EYA3: variants seen among roughly 807,000 people sequenced by gnomAD.
The protein encoded by EYA3 is protein phosphatase EYA3.
A neutral mutation model predicts 80.0 loss-of-function variants in EYA3; 39 were observed. The ratio of observed to expected loss-of-function variants is 0.49; its 90% CI spans 0.38 to 0.64. The LOEUF (loss-of-function observed/expected upper bound fraction) is 0.64, where lower values mean the gene tolerates loss of function less well. Ranked by LOEUF, EYA3 falls within the 30% of genes least tolerant of loss-of-function variation. The pLI is 0.00. For synonymous variants in EYA3, 206 were observed against 232.8 expected (o/e 0.88, Z 1.05); for missense variants, 523 against 676.1 (o/e 0.77, Z 2.51).
chr1:28,019,076 G>A (rs775191202), intron 7 of EYA3, among the ~76,000 whole-genome samples: 1 of 152,162 alleles, frequency 6.6e-6, no homozygotes, highest in Non-Finnish European at 1.5e-5. Flanking sequence ...TGAGGCAGGA[G>A]AATCACTTAA....
intron 9 of EYA3, among the ~76,000 whole-genome samples, chr1:28,012,130 A>C (rs1641735948): frequency 6.6e-6 from 1 of 152,166 alleles, no homozygotes; most frequent in South Asian, 2.1e-4. Flanking sequence ...GAATCTGGGG[A>C]GGGAGCTAGA....
At chr1:28,079,443 A>G (rs1057381524) in intron 1 of EYA3, among the ~76,000 whole-genome samples, 23 of 152,346 alleles carry the variant, frequency 1.5e-4, no homozygotes, top group African/African-American at 5.5e-4. Flanking sequence ...TTGGGCCAGA[A>G]GAGAGCAGAA....
intron 1 of EYA3, among the ~76,000 whole-genome samples, chr1:28,086,622 A>T (rs1645665106): frequency 1.3e-5 from 2 of 152,186 alleles, no homozygotes; most frequent in African/African-American, 4.8e-5. Flanking sequence ...TTTGGGGTTT[A>T]ATGTTCTTAT....
intron 7 of EYA3, among the ~76,000 whole-genome samples, chr1:28,018,714 C>T (rs1402501702): frequency 1.3e-5 from 2 of 152,116 alleles, no homozygotes; most frequent in Non-Finnish European, 2.9e-5. Context: ...TGCTGCAACC[C>T]CAGCTTTAAG....
At chr1:28,073,034 T>C (rs1645068073) in intron 1 of EYA3, among the ~76,000 whole-genome samples, 1 of 142,702 alleles carries the variant, frequency 7.0e-6, no homozygotes, top group Admixed American at 7.2e-5. Context: ...TGGTTGCCAG[T>C]GTTGGGGATG....
intron 1 of EYA3, among the ~76,000 whole-genome samples, chr1:28,079,646 A>G (rs1327916666): frequency 6.6e-6 from 1 of 152,184 alleles, no homozygotes; most frequent in Non-Finnish European, 1.5e-5. Context: ...ATGTGCCTAG[A>G]AATGGTAAAG....
chr1:28,017,360 A>G, intron 7 of EYA3, 121 bp from the exon 8 acceptor site: 1 of 688,906 alleles, frequency 1.5e-6, no homozygotes, highest in Non-Finnish European at 2.4e-6. Flanking sequence ...TGGCAAAGGA[A>G]ACAAACACTC....
intron 11 of EYA3, among the ~76,000 whole-genome samples, chr1:28,001,937 C>T (rs988365712): frequency 9.5e-5 from 14 of 147,768 alleles, no homozygotes; most frequent in African/African-American, 2.7e-4. Flanking sequence ...TTTTTTGAGA[C>T]GGAATTTCGC....
intron 10 of EYA3, among the ~76,000 whole-genome samples, chr1:28,010,129 T>G (rs1641587045): frequency 6.6e-6 from 1 of 152,158 alleles, no homozygotes. Context: ...GATTCATAGT[T>G]AAATATGTAT....
At chr1:28,014,417 C>CAAGA (rs1213268568) in intron 8 of EYA3, among the ~76,000 whole-genome samples, 2 of 49,540 alleles carry the variant, frequency 4.0e-5, no homozygotes, top group Non-Finnish European at 8.0e-5. Flanking sequence ...CACACTGTCT[C>CAAGA]AAAAAAAAAA....
intron 16 of EYA3, among the ~76,000 whole-genome samples, chr1:27,978,691 T>C (rs918085943): frequency 1.3e-5 from 2 of 152,040 alleles, no homozygotes; most frequent in South Asian, 2.1e-4. Flanking sequence ...TGGCCGGGCA[T>C]GGTGGCTCAA....
At chr1:28,084,168 TG>T in intron 1 of EYA3, among the ~76,000 whole-genome samples, 1 of 152,214 alleles carries the variant, frequency 6.6e-6, no homozygotes, top group Non-Finnish European at 1.5e-5. Context: ...CATACTTAAA[TG>T]GGAAAACAGC....
intron 2 of EYA3, 92 bp from the exon 3 acceptor site, chr1:28,048,518 G>T: frequency 2.3e-6 from 2 of 885,896 alleles, no homozygotes; most frequent in South Asian, 3.5e-5. Flanking sequence ...ACTATTACAG[G>T]ATAACTGTTT....
intron 11 of EYA3, 99 bp downstream of exon 11, chr1:28,004,237 C>G: frequency 2.5e-6 from 2 of 796,804 alleles, no homozygotes; most frequent in Non-Finnish European, 3.9e-6. Context: ...GAAAAGCCAG[C>G]CAACAGGGGT....
In EYA3 at chr1:27,978,418, CAT is replaced by C. The variant is rs868172505; in HGVS notation, c.1595_1596del (p.Tyr532CysfsTer9). The C allele has an allele frequency of 1.2e-6, 2 of 1,614,092 alleles. No homozygotes were observed. The highest frequency in any genetic ancestry group is 1.7e-6 in the Non-Finnish European group (2 of 1,180,036). ...TCATCTCGTCCATCTCCAATCACTA[CAT>C]ATGTGACTTTCTTTCCAAACCTTGA... is the stretch of plus-strand genomic sequence containing the variant. ...IVSRFGKKVT[Y>X]VVIGDGRDEE... is the part of the protein sequence containing the mutation. On this transcript the variant is annotated frameshift_variant, in exon 17 of 18. Coordinates refer to ENST00000373871, the MANE Select transcript of EYA3 (RefSeq NM_001990.4). LOFTEE classifies it high-confidence loss of function.
At chr1:28,035,329 A>G (rs542642367) in intron 6 of EYA3, among the ~76,000 whole-genome samples, 2 of 152,346 alleles carry the variant, frequency 1.3e-5, no homozygotes, top group South Asian at 4.1e-4. Context: ...AAAGATTCCA[A>G]GCTTCAGGGT....
At chr1:27,994,147 G>A (rs138315306) in intron 13 of EYA3, among the ~76,000 whole-genome samples, 1 of 152,292 alleles carries the variant, frequency 6.6e-6, no homozygotes, top group East Asian at 1.9e-4. Context: ...AATAGAAAGT[G>A]ATAAAACTGA....
intron 15 of EYA3, among the ~76,000 whole-genome samples, chr1:27,989,390 A>T (rs1341448286): frequency 6.6e-6 from 1 of 152,194 alleles, no homozygotes; most frequent in African/African-American, 2.4e-5. Flanking sequence ...CATCTCCTCC[A>T]TGTATTCTTT....
chr1:28,026,381 T>G (rs528441529), intron 7 of EYA3, among the ~76,000 whole-genome samples: 2 of 152,184 alleles, frequency 1.3e-5, no homozygotes, highest in Non-Finnish European at 2.9e-5. Context: ...TTTGGGAAGC[T>G]GGGGTGGGAG....
Sources: gnomAD v4.1 joint callset for allele counts (sites outside exome capture counted in the v4.1 genomes callset) on GRCh38, gnomAD v4.1.1 for gene constraint, MANE v1.5 for transcripts, NCBI Gene and HGNC (gene_info 2026-07-23, HGNC 2026-07-21) for gene names.